Variants in ROBO2 observed in about 807,000 individuals in gnomAD.
The protein encoded by ROBO2 is roundabout guidance receptor 2.
In ROBO2, 53 loss-of-function variants were observed where a neutral mutation model predicts 160.8. The observed-to-expected ratio is 0.33, with a 90% CI of 0.26 to 0.41. The LOEUF (loss-of-function observed/expected upper bound fraction) is 0.41, where lower values mean the gene tolerates loss of function less well. Among genes scored for constraint, ROBO2 ranks in the 10% least tolerant of loss-of-function variants. ROBO2 has a pLI of 1.00. For synonymous variants in ROBO2, 664 were observed against 611.7 expected (o/e 1.09, Z -1.26); for missense variants, 1,577 against 1,722.4 (o/e 0.92, Z 1.49).
chr3:76,741,974 T>C (rs1332198804), intron 2 of ROBO2, among the ~76,000 whole-genome samples: 1 of 152,088 alleles, frequency 6.6e-6, no homozygotes. Context: ...GTGGATGATG[T>C]GTCAGGATTT....
intron 2 of ROBO2, among the ~76,000 whole-genome samples, chr3:77,424,098 C>T (rs72899169): frequency 0.012 from 1,796 of 152,024 alleles, 44 homozygotes; most frequent in African/African-American, 0.04. Flanking sequence ...TGATACAGCA[C>T]GAGCAAAATA....
intron 2 of ROBO2, among the ~76,000 whole-genome samples, chr3:77,261,404 GGATA>G (rs1429026797): frequency 3.3e-5 from 5 of 152,110 alleles, no homozygotes; most frequent in African/African-American, 1.2e-4. Flanking sequence ...TGTAGGCTGA[GGATA>G]GACCTTTTAA....
intron 2 of ROBO2, among the ~76,000 whole-genome samples, chr3:76,497,026 T>C (rs1189512993): frequency 6.6e-6 from 1 of 152,194 alleles, no homozygotes; most frequent in Non-Finnish European, 1.5e-5. Flanking sequence ...AGCAAGTCTT[T>C]AAAAGGCCAC....
intron 5 of ROBO2, among the ~76,000 whole-genome samples, chr3:77,518,884 A>G (rs867697265): frequency 6.6e-6 from 1 of 151,476 alleles, no homozygotes; most frequent in African/African-American, 2.4e-5. Flanking sequence ...AAGCATACCT[A>G]TCTCATTGGG....
intron 2 of ROBO2, among the ~76,000 whole-genome samples, chr3:76,535,162 T>C (rs1189678295): frequency 6.6e-6 from 1 of 151,658 alleles, no homozygotes; most frequent in Admixed American, 6.6e-5. Flanking sequence ...TAATGAGTTG[T>C]GGAAGGGGGT....
At chr3:76,174,294 T>G (rs1179566065) in intron 2 of ROBO2, among the ~76,000 whole-genome samples, 1 of 152,206 alleles carries the variant, frequency 6.6e-6, no homozygotes, top group Admixed American at 6.5e-5. Flanking sequence ...TTGCAAAAAT[T>G]TTCTCCCATT....
chr3:77,439,986 T>G (rs1019977291), intron 2 of ROBO2, among the ~76,000 whole-genome samples: 10 of 152,142 alleles, frequency 6.6e-5, no homozygotes, highest in African/African-American at 2.4e-4. Flanking sequence ...AGCAACATAA[T>G]ATGCAAACAA....
At chr3:76,371,516 A>G (rs1426690361) in intron 2 of ROBO2, among the ~76,000 whole-genome samples, 1 of 151,914 alleles carries the variant, frequency 6.6e-6, no homozygotes, top group African/African-American at 2.4e-5. Flanking sequence ...ACGTAATTGT[A>G]TATGAGTCTT....
chr3:76,519,490 A>G (rs929058625), intron 2 of ROBO2, among the ~76,000 whole-genome samples: 1 of 152,238 alleles, frequency 6.6e-6, no homozygotes, highest in African/African-American at 2.4e-5. Flanking sequence ...GCAATTACCT[A>G]GCAAAGCAAG....
chr3:76,396,471 A>C lies in ROBO2; in HGVS notation c.109+458869A>C, dbSNP rs186527135. ...CAACATAGTGTTGGAAGTTCTGGTC[A>C]GGGCAATTAGGCAGGAGAAGGAAAT... is the stretch of plus-strand genomic sequence containing the variant. On this transcript the variant is annotated intron_variant, in intron 2 of 26. Transcript: ENST00000487694. Among the ~76,000 whole-genome samples, 454 of 152,272 alleles carry C rather than the reference A, an allele frequency of 3.0e-3. 1 individual carries two copies. The highest frequency in any genetic ancestry group is 5.1e-3 in the Non-Finnish European group (346 of 68,028).
chr3:77,478,074 C>T (rs2084253205), intron 3 of ROBO2, among the ~76,000 whole-genome samples: 1 of 152,076 alleles, frequency 6.6e-6, no homozygotes, highest in African/African-American at 2.4e-5. Flanking sequence ...ATCCACCCAC[C>T]TCAGCCCCCC....
At chr3:76,389,448 A>C (rs2077044421) in intron 2 of ROBO2, among the ~76,000 whole-genome samples, 1 of 152,336 alleles carries the variant, frequency 6.6e-6, no homozygotes, top group Middle Eastern at 3.4e-3. Flanking sequence ...GAAGGGAAAT[A>C]ATTTGTTAGC....
At chr3:76,927,905 TG>T (rs1475197906) in intron 2 of ROBO2, among the ~76,000 whole-genome samples, 1 of 152,128 alleles carries the variant, frequency 6.6e-6, no homozygotes, top group African/African-American at 2.4e-5. Flanking sequence ...ATAAAAAGTT[TG>T]TTCCCTTTGA....
At chr3:76,626,932 C>A (rs1212333447) in intron 2 of ROBO2, among the ~76,000 whole-genome samples, 1 of 152,152 alleles carries the variant, frequency 6.6e-6, no homozygotes, top group East Asian at 1.9e-4. Flanking sequence ...CCTTGTGGTC[C>A]GCCCGCCTCG....
rs117281142 is a variant in ROBO2 at position 76,834,527 on chromosome 3, C to T, written c.110-263487C>T. Among the ~76,000 whole-genome samples, 212 of 152,058 alleles carry T rather than the reference C, an allele frequency of 1.4e-3. 6 individuals are homozygous for T. In the East Asian group the frequency reaches 0.031, roughly 22 times the overall value. ...AGCTGAGATTACAGGCACACACCAC[C>T]GTGCCTGGCTAATTTTTATATTTTT... is the stretch of plus-strand genomic sequence containing the variant. On this transcript the variant is annotated intron_variant, in intron 2 of 26. Coordinates refer to the ROBO2 transcript ENST00000487694.
intron 2 of ROBO2, among the ~76,000 whole-genome samples, chr3:76,905,450 A>C (rs1358212578): frequency 1.3e-5 from 2 of 152,278 alleles, no homozygotes; most frequent in South Asian, 2.1e-4. Context: ...TTACATTTTC[A>C]ATTATCAGAA....
At chr3:77,205,669 G>A (rs542651687) in intron 2 of ROBO2, among the ~76,000 whole-genome samples, 4 of 152,024 alleles carry the variant, frequency 2.6e-5, no homozygotes, top group Admixed American at 1.3e-4. Flanking sequence ...CATATCACAT[G>A]CACATGTAGT....
chr3:76,294,183 C>T (rs952761740), intron 2 of ROBO2, among the ~76,000 whole-genome samples: 2 of 152,128 alleles, frequency 1.3e-5, no homozygotes, highest in African/African-American at 4.8e-5. Context: ...GCAGTTATTC[C>T]GAGCCTGCAG....
At chr3:77,342,219 G>A (rs570349062) in intron 2 of ROBO2, among the ~76,000 whole-genome samples, 1 of 152,238 alleles carries the variant, frequency 6.6e-6, no homozygotes, top group Admixed American at 6.5e-5. Flanking sequence ...GGAAAGAACA[G>A]CTGGATGCTT....
Sources: allele counts gnomAD v4.1 joint callset (sites outside exome capture counted in the v4.1 genomes callset), GRCh38; gene constraint gnomAD v4.1.1; transcripts MANE v1.5; gene names NCBI Gene and HGNC (gene_info 2026-07-23, HGNC 2026-07-21).